FZD3: variants seen among roughly 807,000 people sequenced by gnomAD.
FZD3 encodes the protein frizzled-3.
FZD3 carries 30 observed loss-of-function variants against 60.7 expected under a neutral mutation model. That is an observed-to-expected ratio of 0.49 (90% CI 0.37 to 0.67). The LOEUF (loss-of-function observed/expected upper bound fraction) is 0.67, where lower values mean the gene tolerates loss of function less well. Among genes scored for constraint, FZD3 ranks in the 30% least tolerant of loss-of-function variants. The probability of loss-of-function intolerance (pLI) is 0.00; values close to 1 mark genes in which losing one functional copy is unlikely to be tolerated. For synonymous variants in FZD3, 246 were observed against 275.2 expected, an observed-to-expected ratio of 0.89 and a Z score of 1.05; for missense variants, 605 against 838.7, an observed-to-expected ratio of 0.72 and a Z score of 3.44.
chr8:28,555,579 A>G (rs986887956), intron 6 of FZD3, among the ~76,000 whole-genome samples, 159 bp from the exon 7 acceptor site: 4 of 152,218 alleles, frequency 2.6e-5, no homozygotes, highest in South Asian at 2.1e-4. Flanking sequence ...TTGTTGTTCT[A>G]TTCTTTCCTC....
At chr8:28,516,432 A>G (rs993606693) in intron 3 of FZD3, among the ~76,000 whole-genome samples, 7 of 152,208 alleles carry the variant, frequency 4.6e-5, no homozygotes, top group Non-Finnish European at 1.0e-4. Flanking sequence ...TTCTGCAACA[A>G]CAGAAGGCCG....
Position 28,498,498 on chromosome 8 carries a change from A to G in FZD3, c.-390-1435A>G, listed in dbSNP as rs58573603. Among the ~76,000 whole-genome samples, 561 of 152,358 alleles carry G rather than the reference A, an allele frequency of 3.7e-3. 15 individuals are homozygous for G. In the East Asian group the frequency reaches 0.066, roughly 18 times the overall value. ...ACCTTAGGAAAAATGGCATACTCAC[A>G]TAATTGTGATTAGAAGCAGATAATT... On this transcript the variant is annotated intron_variant, in intron 1 of 7. Transcript: ENST00000240093.
At chr8:28,537,399 A>C (rs1047881341) in intron 5 of FZD3, among the ~76,000 whole-genome samples, 1 of 152,266 alleles carries the variant, frequency 6.6e-6, no homozygotes, top group African/African-American at 2.4e-5. Context: ...ATACATTTTT[A>C]GGAGAAAATT....
chr8:28,494,879 C>G (rs890492744), intron 1 of FZD3, among the ~76,000 whole-genome samples: 8 of 152,286 alleles, frequency 5.3e-5, no homozygotes, highest in Non-Finnish European at 8.8e-5. Flanking sequence ...GGCCCCGGCT[C>G]GGGTCAGCTT....
chr8:28,543,494 C>T (rs1358939119), intron 5 of FZD3, among the ~76,000 whole-genome samples: 1 of 152,094 alleles, frequency 6.6e-6, no homozygotes, highest in Non-Finnish European at 1.5e-5. Flanking sequence ...AGTTCTCTTG[C>T]CTCAGCTTCC....
At chr8:28,535,737 G>T (rs1804993655) in intron 5 of FZD3, among the ~76,000 whole-genome samples, 2 of 152,072 alleles carry the variant, frequency 1.3e-5, no homozygotes, top group South Asian at 4.1e-4. Flanking sequence ...TTTATTTCTA[G>T]AATACTTTTT....
chr8:28,534,601 A>G (rs1036646003), intron 5 of FZD3, among the ~76,000 whole-genome samples: 3 of 152,162 alleles, frequency 2.0e-5, no homozygotes, highest in Admixed American at 2.0e-4. Flanking sequence ...TACCCATTAA[A>G]CAATAACTCC....
At chr8:28,542,492 G>T (rs1805192639) in intron 5 of FZD3, among the ~76,000 whole-genome samples, 2 of 152,088 alleles carry the variant, frequency 1.3e-5, no homozygotes, top group South Asian at 4.2e-4. Context: ...ACAAAAATTA[G>T]CTGGGCCTAG....
In FZD3 at chr8:28,564,517, C is replaced by G. The variant is rs1214883083; in HGVS notation, c.*1506C>G. 2 of 144,304 alleles carry G rather than the reference C, an allele frequency of 1.4e-5. No individual in the cohort carries two copies. Among genetic ancestry groups the G allele is most frequent in the Non-Finnish European group, 3.0e-5 (2 of 66,038 alleles). 8.9% of individuals were successfully genotyped at this position (144,304 alleles called of 1,614,324 possible). ...CCTGGCTTGAAACTCACTACTTTAA[C>G]TTGCCCCTGATGATCTGTCGGCATC... On this transcript the variant is annotated 3_prime_UTR_variant, in exon 8 of 8. Transcript: ENST00000240093.
chr8:28,550,479 A>AT (rs1805385873), intron 5 of FZD3, among the ~76,000 whole-genome samples: 3 of 59,158 alleles, frequency 5.1e-5, no homozygotes, highest in African/African-American at 7.0e-5. Flanking sequence ...TTCTTCTTTT[A>AT]TCTTTTTTTT....
intron 2 of FZD3, among the ~76,000 whole-genome samples, chr8:28,502,124 A>G (rs1450073632): frequency 1.3e-5 from 2 of 152,156 alleles, no homozygotes; most frequent in Admixed American, 1.3e-4. Flanking sequence ...AAGAAGAAAA[A>G]TTCTAGGTAC....
At position 28,528,180 on chromosome 8, in the gene FZD3, T is replaced by G; in HGVS notation, c.1404+16T>G. On this transcript the variant is annotated intron_variant, in intron 5 of 7. Transcript: ENST00000240093. ...TCCATATCAGGTAAGGGAAACCTTGTTACAAATTTCAGAATATATGATAAT... is the reference window on the plus strand; with the variant it reads ...TCCATATCAGGTAAGGGAAACCTTGGTACAAATTTCAGAATATATGATAAT... 6.4e-7 allele frequency: 1 copy of G among 1,572,910 alleles called. No individual in the cohort carries two copies. The highest frequency in any genetic ancestry group is 1.4e-5 in the African/African-American group (1 of 73,216).
chr8:28,530,029 T>A (rs1175990234), intron 5 of FZD3, among the ~76,000 whole-genome samples: 4 of 151,880 alleles, frequency 2.6e-5, no homozygotes, highest in Non-Finnish European at 5.9e-5. Flanking sequence ...GCTTTTTTCA[T>A]GACATACCTA....
chr8:28,542,649 A>C (rs2130434777), intron 5 of FZD3, among the ~76,000 whole-genome samples: 1 of 152,278 alleles, frequency 6.6e-6, no homozygotes, highest in African/African-American at 2.4e-5. Context: ...CAAAAAATGA[A>C]ATAAATAAAA....
chr8:28,532,991 A>C (rs919952245), intron 5 of FZD3, among the ~76,000 whole-genome samples: 1 of 152,202 alleles, frequency 6.6e-6, no homozygotes, highest in Admixed American at 6.5e-5. Flanking sequence ...GTTACCATTT[A>C]ATCTCTTCAA....
intron 4 of FZD3, among the ~76,000 whole-genome samples, chr8:28,522,767 C>CTTTTTTTTT (rs35662589): frequency 1.0e-5 from 1 of 96,874 alleles, no homozygotes; most frequent in Non-Finnish European, 2.0e-5. Context: ...AGGGAACTTT[C>CTTTTTTTTT]TTTTTTTTTT....
Position 28,528,066 on chromosome 8 carries a change from A to G in FZD3, c.1306A>G (p.Ile436Val), listed in dbSNP as rs369695773. Reference sequence around the variant, plus strand: ...TTATCTCGTACCACTCTTGGTTGTAATTGGATGCTACTTTTATGAGCAAGC... The same window carrying G: ...TTATCTCGTACCACTCTTGGTTGTAGTTGGATGCTACTTTTATGAGCAAGC... ...ILYLVPLLVV[I>V]GCYFYEQAYR... The change falls in exon 5 of 8, where the codon ATT becomes GTT. Residue 436 changes from isoleucine to valine, a missense_variant. Ile to Val is a conservative substitution (Grantham distance 29, BLOSUM62 3). Transcript: ENST00000240093. 4.1e-5 allele frequency: 66 copies of G among 1,613,868 alleles called. No homozygotes were observed. Among genetic ancestry groups the G allele is most frequent in the Non-Finnish European group, 5.0e-5 (59 of 1,179,886 alleles).
At chr8:28,547,704 T>G (rs1805326544) in intron 5 of FZD3, among the ~76,000 whole-genome samples, 1 of 152,196 alleles carries the variant, frequency 6.6e-6, no homozygotes, top group South Asian at 2.1e-4. Flanking sequence ...CTTTTTTAGT[T>G]GTAGGAGTTT....
intron 7 of FZD3, among the ~76,000 whole-genome samples, chr8:28,556,356 TAGTC>T (rs2130466173): frequency 6.6e-6 from 1 of 152,344 alleles, no homozygotes; most frequent in African/African-American, 2.4e-5. Context: ...AAAGATAGTG[TAGTC>T]AGTTTGTGGT....
Sources: gnomAD v4.1 joint callset for allele counts (sites outside exome capture counted in the v4.1 genomes callset) on GRCh38, gnomAD v4.1.1 for gene constraint, MANE v1.5 for transcripts, NCBI Gene and HGNC (gene_info 2026-07-23, HGNC 2026-07-21) for gene names.